JCAD: variants seen among roughly 807,000 people sequenced by gnomAD.
JCAD encodes the protein junctional cadherin 5-associated protein.
Under a neutral mutation model 98.0 loss-of-function variants are expected in JCAD, and 40 were observed. The observed-to-expected ratio is 0.41, with a 90% confidence interval of 0.32 to 0.53. JCAD has a LOEUF of 0.53. Among genes scored for constraint, JCAD ranks in the 20% least tolerant of loss-of-function variants. JCAD has a pLI of 0.31. For missense variants in JCAD, 1,705 were observed against 1,738.1 expected (o/e 0.98, Z 0.34); for synonymous variants, 691 against 682.3 (o/e 1.01, Z -0.20).
intron 2 of JCAD, among the ~76,000 whole-genome samples, chr10:30,030,961 G>A (rs1001716621): frequency 1.3e-5 from 2 of 150,806 alleles, no homozygotes; most frequent in Admixed American, 6.6e-5. Flanking sequence ...GATTCCCAGT[G>A]TGCAGCCAAG....
In JCAD at chr10:30,028,499, C is replaced by T. The variant is rs1336045483; in HGVS notation, c.1649G>A (p.Ser550Asn). 3.1e-6 allele frequency: 5 copies of T among 1,614,232 alleles called. No individual in the cohort carries two copies. The South Asian group carries it at 5.5e-5, about 18-fold the overall frequency. Residue 550 changes from serine to asparagine, a missense_variant, in exon 3 of 4, where the codon AGC becomes AAC. Ser to Asn is a conservative substitution (Grantham distance 46, BLOSUM62 1). Coordinates refer to ENST00000375377, the MANE Select transcript of JCAD (RefSeq NM_020848.4). ...QVSSPYSQGE[S>N]TCETQTKLKK... ...GAGCTTGGTTTGAGTTTCGCAGGTG[C>T]TCTCGCCCTGTGAGTAAGGGGAGGA...
intron 2 of JCAD, among the ~76,000 whole-genome samples, chr10:30,042,631 T>C (rs1231269387): frequency 3.9e-5 from 6 of 152,096 alleles, no homozygotes; most frequent in African/African-American, 1.4e-4. Flanking sequence ...CAGAGATGGG[T>C]GGCAATGGGG....
chr10:30,091,749 T>G, intron 1 of JCAD, among the ~76,000 whole-genome samples: 1 of 119,288 alleles, frequency 8.4e-6, no homozygotes, highest in African/African-American at 3.3e-5. Flanking sequence ...TTAGGCCAGG[T>G]GCGGTGGCTC....
chr10:30,047,235 G>C (rs1589692398), intron 2 of JCAD, among the ~76,000 whole-genome samples: 1 of 152,160 alleles, frequency 6.6e-6, no homozygotes, highest in Non-Finnish European at 1.5e-5. Flanking sequence ...AGCCAGGTGT[G>C]GTGGCACATG....
At chr10:30,084,919 T>A (rs1000533289) in intron 1 of JCAD, among the ~76,000 whole-genome samples, 2 of 152,140 alleles carry the variant, frequency 1.3e-5, no homozygotes, top group African/African-American at 4.8e-5. Context: ...AACACACTGA[T>A]GAATACGGAT....
At chr10:30,076,316 C>G (rs919682528) in intron 1 of JCAD, among the ~76,000 whole-genome samples, 1 of 152,074 alleles carries the variant, frequency 6.6e-6, no homozygotes, top group Non-Finnish European at 1.5e-5. Flanking sequence ...TGTGAGCCAC[C>G]GTGCCCAGCC....
chr10:30,090,312 C>T (rs554656625), intron 1 of JCAD, among the ~76,000 whole-genome samples: 63 of 152,290 alleles, frequency 4.1e-4, no homozygotes, highest in Non-Finnish European at 4.7e-4. Flanking sequence ...GAGGCTGAGG[C>T]GGGTGGATCA....
At chr10:30,065,507 AT>A (rs541382286) in intron 2 of JCAD, among the ~76,000 whole-genome samples, 126 of 147,762 alleles carry the variant, frequency 8.5e-4, no homozygotes, top group African/African-American at 1.4e-3. Context: ...ATATCGCATA[AT>A]TTTTTTTTTT....
intron 1 of JCAD, among the ~76,000 whole-genome samples, chr10:30,048,420 C>G (rs1269301548): frequency 3.9e-5 from 6 of 152,190 alleles, no homozygotes; most frequent in Non-Finnish European, 8.8e-5. Flanking sequence ...ATCGAAACAG[C>G]AACTGCCAGG....
upstream of JCAD, among the ~76,000 whole-genome samples, chr10:30,063,648 G>A (rs1029160625): frequency 3.9e-5 from 6 of 151,974 alleles, no homozygotes; most frequent in Non-Finnish European, 8.8e-5. Flanking sequence ...CATAATAATT[G>A]TACATATTTA....
chr10:30,084,813 C>CTATG (rs1644179626), intron 1 of JCAD, among the ~76,000 whole-genome samples: 1 of 152,010 alleles, frequency 6.6e-6, no homozygotes, highest in Non-Finnish European at 1.5e-5. Flanking sequence ...ATCTATCTAT[C>CTATG]TATCTATCTA....
chr10:30,103,755 A>C (rs1449022088), intron 1 of JCAD, among the ~76,000 whole-genome samples: 1 of 137,392 alleles, frequency 7.3e-6, no homozygotes, highest in East Asian at 2.1e-4. Flanking sequence ...TTTTTTGGAC[A>C]GAGTTTTGTG....
intron 1 of JCAD, among the ~76,000 whole-genome samples, chr10:30,080,001 T>C (rs1838054166): frequency 6.6e-6 from 1 of 152,142 alleles, no homozygotes; most frequent in African/African-American, 2.4e-5. Flanking sequence ...ATAAGTCTCT[T>C]GGCAGAAAAA....
At chr10:30,036,464 C>A (rs1288258814) in intron 2 of JCAD, among the ~76,000 whole-genome samples, 19 of 138,782 alleles carry the variant, frequency 1.4e-4, no homozygotes, top group East Asian at 3.9e-4. Flanking sequence ...AAAAAAAAAA[C>A]AAAAAAAATG....
intron 3 of JCAD, among the ~76,000 whole-genome samples, chr10:30,019,474 C>T (rs1836612602): frequency 6.7e-6 from 1 of 150,078 alleles, no homozygotes; most frequent in Admixed American, 6.6e-5. Context: ...GATTAAACTT[C>T]AGGACATTAT....
chr10:30,023,032 T>C (rs1836699810), intron 3 of JCAD, among the ~76,000 whole-genome samples: 1 of 151,980 alleles, frequency 6.6e-6, no homozygotes, highest in African/African-American at 2.4e-5. Flanking sequence ...ATTTTTACTG[T>C]GCCTTTTCTT....
intron 1 of JCAD, among the ~76,000 whole-genome samples, chr10:30,100,473 C>G: frequency 6.6e-6 from 1 of 152,130 alleles, no homozygotes. Context: ...CCTCCGCCTC[C>G]TGGGTTCAAG....
At chr10:30,077,285 T>C (rs369263668) in intron 1 of JCAD, among the ~76,000 whole-genome samples, 49 of 152,304 alleles carry the variant, frequency 3.2e-4, no homozygotes, top group East Asian at 2.3e-3. Flanking sequence ...TTTTTTGTTG[T>C]TTGTTTTTTG....
rs1381923262 is a variant in JCAD, at chr10:30,015,329, A to G, written c.*2554T>C. On this transcript the variant is annotated 3_prime_UTR_variant, in exon 4 of 4. Coordinates refer to ENST00000375377, the MANE Select transcript of JCAD (RefSeq NM_020848.4). The stretch of plus-strand genomic sequence containing the variant: ...GAAGTTATGTATGTATGAGAAATAG[A>G]AACAATAACTAAACAATTAGTGTTA... 1 of 152,250 alleles carries G rather than the reference A, an allele frequency of 6.6e-6. No individual in the cohort carries two copies. Among genetic ancestry groups the G allele is most frequent in the Non-Finnish European group, 1.5e-5 (1 of 68,038 alleles). 9.4% of individuals were successfully genotyped at this position (152,250 alleles called of 1,614,324 possible). A position where few individuals can be genotyped will look rare whatever the true frequency, so the allele number is the denominator to read the frequency against.
Sources: allele counts gnomAD v4.1 joint callset (sites outside exome capture counted in the v4.1 genomes callset), GRCh38; gene constraint gnomAD v4.1.1; transcripts MANE v1.5; gene names NCBI Gene and HGNC (gene_info 2026-07-23, HGNC 2026-07-21).